ERFL: variants seen among roughly 807,000 people sequenced by gnomAD.
The protein encoded by ERFL is ETS domain-containing transcription factor ERF-like.
In ERFL, 8 loss-of-function variants were observed where a neutral mutation model predicts 27.9. The observed-to-expected ratio is 0.29, with a 90% CI of 0.17 to 0.52. ERFL has a LOEUF of 0.52. Ranked by LOEUF, ERFL falls within the 20% of genes least tolerant of loss-of-function variation. ERFL has a pLI of 0.97. For synonymous variants in ERFL, 174 were observed against 202.8 expected (o/e 0.86, Z 1.21); for missense variants, 294 against 444.4 (o/e 0.66, Z 3.04).
At position 41,910,155 on chromosome 19, in the gene ERFL, G is replaced by C. The variant is rs1323980752; in HGVS notation, c.68-58C>G. 4.6e-6 allele frequency: 7 copies of C among 1,525,726 alleles called. No individual in the cohort carries two copies. The highest frequency in any genetic ancestry group is 2.2e-4 in the Middle Eastern group (1 of 4,508). 94.5% of individuals were successfully genotyped at this position (1,525,726 alleles called of 1,614,324 possible). On this transcript the variant is annotated intron_variant, in intron 2 of 5. Coordinates refer to ENST00000597630, the MANE Select transcript of ERFL (RefSeq NM_001365103.2). The surrounding 1 kb of genome is among the most constrained non-coding windows in gnomAD (Gnocchi z 4.4). The stretch of plus-strand genomic sequence containing the variant: ...CAGGATGCCAAGTCCAGGGCTCTGG[G>C]TCCTGCTGGACTCAGTAACCTGGGA...
Position 41,909,969 on chromosome 19 carries a change from C to T in ERFL, c.196G>A (p.Asp66Asn), listed in dbSNP as rs1555851110. The T allele has an allele frequency of 6.2e-7, 1 of 1,613,802 alleles. No individual in the cohort carries two copies. Among genetic ancestry groups the T allele is most frequent in the African/African-American group, 1.3e-5 (1 of 74,924 alleles). Residue 66 changes from aspartate to asparagine, a missense_variant, in exon 3 of 6, where the codon GAC becomes AAC. By Grantham distance (23) the Asp-to-Asn change is conservative. This residue lies in a region of ERFL where 246 missense variants were observed against 371.4 expected (regional missense o/e 0.66). Coordinates refer to ENST00000597630, the MANE Select transcript of ERFL (RefSeq NM_001365103.2). The surrounding 1 kb of genome is among the most constrained non-coding windows in gnomAD (Gnocchi z 5.2). ...TCTTTGATGACGAATTCCCCGTAGT[C>T]CCCCTGCCAGGCTATGACGCCCTGG... is the stretch of plus-strand genomic sequence containing the variant. The part of the protein sequence containing the change: ...EYQGVIAWQG[D>N]YGEFVIKDPD...
chr19:41,922,340 C>G lies in ERFL; in HGVS notation c.-14+5700G>C, dbSNP rs549998645. On this transcript the variant is annotated intron_variant, in intron 1 of 5. Transcript: ENST00000597630. ...ATCAAAGGGACAGAAAGCAGGAGAT[C>G]AAGGGACAGAAATGAGGAGGGCAAA... Among the ~76,000 whole-genome samples, 3 of 152,188 alleles carry G rather than the reference C, an allele frequency of 2.0e-5. No homozygotes were observed. In the South Asian group the frequency reaches 6.2e-4, roughly 32 times the overall value.
At position 41,908,311 on chromosome 19, in the gene ERFL, C is replaced by T. The variant is rs992568720; in HGVS notation, c.982G>A (p.Gly328Ser). ...TCGCCCTCGCTGTCAGAGCTGCAGC[C>T]GCTGACGTCGGTGATCTCCAGCTCC... ...DSELEITDVS[G>S]CSSDSEGDEG... Residue 328 changes from glycine (G) to serine (S), a missense_variant, in exon 6 of 6, where the codon GGC (glycine) becomes AGC (serine). Around this residue, in one of 3 missense-constraint regions of ERFL, gnomAD observed 246 missense variants for 371.4 expected, o/e 0.66. Coordinates refer to ENST00000597630, the MANE Select transcript of ERFL (RefSeq NM_001365103.2). This position sits in a 1 kb window ranked among gnomAD's most constrained non-coding sequence, Gnocchi z 6.7. The T allele has an allele frequency of 6.3e-5, 77 of 1,231,386 alleles. No individual in the cohort carries two copies. The highest frequency in any genetic ancestry group is 7.1e-5 in the Non-Finnish European group (70 of 987,820). The allele number at this position is 1,231,386 out of a possible 1,614,324, so 76.3% of individuals were successfully genotyped here.
chr19:41,921,066 T>TC lies in ERFL; in HGVS notation c.-14+6973dup, dbSNP rs2074839275. 6.6e-6 allele frequency among the ~76,000 whole-genome samples: 1 copy of TC among 151,642 alleles called. No individual in the cohort carries two copies. Among genetic ancestry groups the TC allele is most frequent in the African/African-American group, 2.4e-5 (1 of 41,238 alleles). ...TCAGTTGAGGGGTGGCGAGGGAGCG[T>TC]CCCCGGGGAGGTGGGAGCCGCAGTG... is the stretch of plus-strand genomic sequence containing the variant. On this transcript the variant is annotated intron_variant, in intron 1 of 5. Coordinates refer to ENST00000597630, the MANE Select transcript of ERFL (RefSeq NM_001365103.2). This position sits in a 1 kb window ranked among gnomAD's most constrained non-coding sequence, Gnocchi z 4.4.
At chr19:41,919,288 C>T (rs2074823301) in intron 1 of ERFL, among the ~76,000 whole-genome samples, 1 of 152,196 alleles carries the variant, frequency 6.6e-6, no homozygotes, top group African/African-American at 2.4e-5. Flanking sequence ...AACAGCTTCA[C>T]ACACAGACTT....
At chr19:41,912,651 C>G (rs981858247) in intron 2 of ERFL, among the ~76,000 whole-genome samples, 3 of 152,226 alleles carry the variant, frequency 2.0e-5, no homozygotes, top group Non-Finnish European at 4.4e-5. Context: ...CCCCCCAGCA[C>G]GCAGGGGGCA....
intron 1 of ERFL, among the ~76,000 whole-genome samples, chr19:41,926,299 G>A (rs2074870156): frequency 6.6e-6 from 1 of 152,002 alleles, no homozygotes; most frequent in Admixed American, 6.5e-5. Flanking sequence ...AGAGGAAATA[G>A]GTGTTACCTC....
rs1180251788 is a variant in ERFL, at chr19:41,908,796, C to T, written c.617-120G>A. ...CGCATCCCTCCTACATGGCATCTTACCCCCTCATACAGCTTCCCCCAACTC... is the reference window on the plus strand; with the variant it reads ...CGCATCCCTCCTACATGGCATCTTATCCCCTCATACAGCTTCCCCCAACTC... On this transcript the variant is annotated intron_variant, in intron 5 of 5. Transcript: ENST00000597630. The surrounding 1 kb of genome is among the most constrained non-coding windows in gnomAD (Gnocchi z 6.7). 9 of 504,266 alleles carry T rather than the reference C, an allele frequency of 1.8e-5. No individual in the cohort carries two copies. The highest frequency in any genetic ancestry group is 2.8e-5 in the Non-Finnish European group (9 of 325,232). 31.2% of individuals were successfully genotyped at this position (504,266 alleles called of 1,614,324 possible).
At chr19:41,915,216 C>T (rs1254843425) in intron 1 of ERFL, among the ~76,000 whole-genome samples, 5 of 148,280 alleles carry the variant, frequency 3.4e-5, no homozygotes, top group African/African-American at 1.0e-4. Flanking sequence ...CCGCCTCCTC[C>T]GGACACGTTA....
chr19:41,924,914 G>T (rs1160334941), intron 1 of ERFL, among the ~76,000 whole-genome samples: 2 of 152,148 alleles, frequency 1.3e-5, no homozygotes, highest in African/African-American at 4.8e-5. Context: ...CAAGCTGCAG[G>T]GACAGGTATC....
At chr19:41,915,236 G>GCT (rs1415210856) in intron 1 of ERFL, among the ~76,000 whole-genome samples, 1 of 147,360 alleles carries the variant, frequency 6.8e-6, no homozygotes, top group Non-Finnish European at 1.5e-5. Context: ...ATAACGAGGA[G>GCT]CCGTGGGATC....
At chr19:41,911,290 T>G (rs147578539) in intron 2 of ERFL, among the ~76,000 whole-genome samples, 2 of 152,214 alleles carry the variant, frequency 1.3e-5, no homozygotes, top group Non-Finnish European at 2.9e-5. Context: ...TTCACTCTTA[T>G]GCCACATCCT....
In ERFL at chr19:41,908,225, G is replaced by A. The variant is rs376388072; in HGVS notation, c.*3C>T. 5.8e-5 allele frequency: 71 copies of A among 1,231,730 alleles called. 1 individual carries two copies. The Admixed American group carries it at 8.4e-4, about 15-fold the overall frequency. The allele number at this position is 1,231,730 out of a possible 1,614,324, so 76.3% of individuals were successfully genotyped here. On this transcript the variant is annotated 3_prime_UTR_variant, in exon 6 of 6. Transcript: ENST00000597630. The surrounding 1 kb of genome is among the most constrained non-coding windows in gnomAD (Gnocchi z 6.7). Reference sequence around the variant, plus strand: ...TCAGCAGAATCCATTGCCCCCTGCCGGCTCAGCTGCCGGTCCCCCCTTTGC... The same window carrying A: ...TCAGCAGAATCCATTGCCCCCTGCCAGCTCAGCTGCCGGTCCCCCCTTTGC...
At position 41,909,529 on chromosome 19, in the gene ERFL, G is replaced by A; in HGVS notation, c.303-58C>T. ...AGGGGGAGCCCTGGGGCGGGATCTG[G>A]GGTTTCTTAATGCGTGTGCTGTCCC... On this transcript the variant is annotated intron_variant, in intron 3 of 5. Coordinates refer to ENST00000597630, the MANE Select transcript of ERFL (RefSeq NM_001365103.2). This position sits in a 1 kb window ranked among gnomAD's most constrained non-coding sequence, Gnocchi z 5.2. 8.3e-7 allele frequency: 1 copy of A among 1,203,130 alleles called. No homozygotes were observed. 74.5% of individuals were successfully genotyped at this position (1,203,130 alleles called of 1,614,324 possible).
chr19:41,927,878 T>A (rs2145915750), intron 1 of ERFL, among the ~76,000 whole-genome samples, 162 bp downstream of exon 1: 1 of 151,022 alleles, frequency 6.6e-6, no homozygotes, highest in East Asian at 2.0e-4. Context: ...CTGCCCCACC[T>A]GCCCCTTACA....
chr19:41,926,409 G>A (rs1217872060), intron 1 of ERFL, among the ~76,000 whole-genome samples: 1 of 152,144 alleles, frequency 6.6e-6, no homozygotes, highest in African/African-American at 2.4e-5. Context: ...GGGAGTTGAA[G>A]GGGGAACATG....
chr19:41,928,413 G>T lies in ERFL; in HGVS notation c.-387C>A. ...AGCGAGCGCGGGCGGGCGCGCGCCG[G>T]GGACAGCCTGGCCGGCTGGGGGCGC... On this transcript the variant is annotated 5_prime_UTR_variant, in exon 1 of 6. Transcript: ENST00000597630. 6.5e-6 allele frequency: 1 copy of T among 153,480 alleles called. No homozygotes were observed. The highest frequency in any genetic ancestry group is 2.0e-4 in the South Asian group (1 of 5,016). The allele number at this position is 153,480 out of a possible 1,614,324, so 9.5% of individuals were successfully genotyped here.
intron 1 of ERFL, among the ~76,000 whole-genome samples, chr19:41,913,905 T>C (rs1221740931): frequency 1.4e-5 from 2 of 141,354 alleles, no homozygotes; most frequent in African/African-American, 5.4e-5. Context: ...AGCCCCTCAC[T>C]GCCACCCTCA....
chr19:41,922,348 A>C (rs1348411597), intron 1 of ERFL, among the ~76,000 whole-genome samples: 2 of 152,224 alleles, frequency 1.3e-5, no homozygotes, highest in African/African-American at 2.4e-5. Context: ...ATCAAGGGAC[A>C]GAAATGAGGA....
Sources: allele counts gnomAD v4.1 joint callset (sites outside exome capture counted in the v4.1 genomes callset), GRCh38; gene constraint gnomAD v4.1.1; regional missense constraint gnomAD v4.1.1; non-coding constraint Gnocchi (gnomAD v3.1); transcripts MANE v1.5; gene names NCBI Gene and HGNC (gene_info 2026-07-23, HGNC 2026-07-21).